The following MSRA variants were observed in gnomAD, a reference collection of about 807,000 sequenced individuals.
The protein encoded by MSRA is mitochondrial peptide methionine sulfoxide reductase.
In MSRA, 54 loss-of-function variants were observed where a neutral mutation model predicts 31.3. The observed-to-expected ratio is 1.73, with a 90% CI of 1.39 to 2.17. MSRA has a LOEUF of 2.17. Among genes scored for constraint, MSRA ranks in the 30% most tolerant of loss-of-function variants. The probability of loss-of-function intolerance (pLI) is 0.00; values close to 1 mark genes in which losing one functional copy is unlikely to be tolerated. For synonymous variants in MSRA, 169 were observed against 116.5 expected (o/e 1.45, Z -2.90); for missense variants, 507 against 300.9 (o/e 1.69, Z -5.07).
At position 10,157,883 on chromosome 8, in the gene MSRA, G is replaced by A. The variant is rs144686269; in HGVS notation, c.143-49950G>A. On this transcript the variant is annotated intron_variant, in intron 1 of 5. Transcript: ENST00000317173. The stretch of plus-strand genomic sequence containing the variant: ...TGTATTGACATATAACTCACATACC[G>A]TACAATTCATCTATTTAATGTGTAC... Among the ~76,000 whole-genome samples, 21 of 151,610 alleles carry A rather than the reference G, an allele frequency of 1.4e-4. No homozygotes were observed. The East Asian group carries it at 2.5e-3, about 18-fold the overall frequency.
intron 1 of MSRA, among the ~76,000 whole-genome samples, chr8:10,124,482 C>A (rs1220056249): frequency 2.0e-5 from 3 of 152,200 alleles, no homozygotes; most frequent in Admixed American, 1.3e-4. Context: ...TGTCTGCTAT[C>A]CGTGTGACTC....
chr8:10,152,845 T>A (rs1356532125), intron 1 of MSRA, among the ~76,000 whole-genome samples: 1 of 152,154 alleles, frequency 6.6e-6, no homozygotes, highest in Non-Finnish European at 1.5e-5. Flanking sequence ...GGAAATTCTG[T>A]CACTTGCTAC....
chr8:10,078,699 T>A (rs1276345886), intron 1 of MSRA, among the ~76,000 whole-genome samples: 1 of 152,232 alleles, frequency 6.6e-6, no homozygotes, highest in Non-Finnish European at 1.5e-5. Flanking sequence ...GGTCCCAAGC[T>A]CCTTAGCTAT....
In MSRA at chr8:10,287,433, C is replaced by A. The variant is rs549379871; in HGVS notation, c.332-14101C>A. On this transcript the variant is annotated intron_variant, in intron 3 of 5. Coordinates refer to ENST00000317173, the MANE Select transcript of MSRA (RefSeq NM_012331.5). ...CATTTCATGAGCTACAAAAGTGTTA[C>A]ACCAATCTAAGGTATCATCATCATC... Among the ~76,000 whole-genome samples the A allele has an allele frequency of 5.4e-4, 82 of 152,276 alleles. 2 individuals carry two copies. Among genetic ancestry groups the A allele is most frequent in the Non-Finnish European group, 4.1e-4 (28 of 68,026 alleles).
At chr8:10,080,016 T>TAATC (rs1798208902) in intron 1 of MSRA, among the ~76,000 whole-genome samples, 1 of 152,226 alleles carries the variant, frequency 6.6e-6, no homozygotes. Flanking sequence ...CCGTCAAAAT[T>TAATC]AATCTCCTTT....
At chr8:10,245,676 A>G (rs964849119) in intron 3 of MSRA, among the ~76,000 whole-genome samples, 1 of 152,214 alleles carries the variant, frequency 6.6e-6, no homozygotes, top group African/African-American at 2.4e-5. Flanking sequence ...CAGGTGGGGT[A>G]ATGGGGATGA....
At chr8:10,379,491 C>T (rs1053729072) in intron 5 of MSRA, among the ~76,000 whole-genome samples, 1 of 152,184 alleles carries the variant, frequency 6.6e-6, no homozygotes, top group Admixed American at 6.5e-5. Context: ...TCGCCCCATG[C>T]CAGGCCCTCC....
At chr8:10,412,988 C>T (rs746097732) in intron 5 of MSRA, among the ~76,000 whole-genome samples, 7 of 152,176 alleles carry the variant, frequency 4.6e-5, no homozygotes, top group African/African-American at 7.2e-5. Flanking sequence ...TTTTTACCTA[C>T]GAGAAATAAG....
At chr8:10,331,841 A>G (rs1412324752) in intron 5 of MSRA, among the ~76,000 whole-genome samples, 3 of 152,188 alleles carry the variant, frequency 2.0e-5, no homozygotes, top group Admixed American at 2.0e-4. Context: ...ATATTAAAAT[A>G]GTTATGCTGT....
At position 10,148,602 on chromosome 8, in the gene MSRA, G is replaced by A. The variant is rs542368704; in HGVS notation, c.143-59231G>A. ...GCAGAGGTTGCAGTGAACTGAGATC[G>A]CACCATTGCACTTCAGCCTGGGCAA... On this transcript the variant is annotated intron_variant, in intron 1 of 5. Coordinates refer to ENST00000317173, the MANE Select transcript of MSRA (RefSeq NM_012331.5). Among the ~76,000 whole-genome samples, 262 of 151,276 alleles carry A rather than the reference G, an allele frequency of 1.7e-3. 6 individuals are homozygous for A. Among genetic ancestry groups the A allele is most frequent in the Non-Finnish European group, 9.3e-4 (63 of 67,886 alleles).
chr8:10,314,020 A>C (rs553287869), intron 4 of MSRA, among the ~76,000 whole-genome samples: 1 of 152,358 alleles, frequency 6.6e-6, no homozygotes, highest in East Asian at 1.9e-4. Flanking sequence ...AAGTAGATTG[A>C]ATACATAAAT....
chr8:10,375,562 T>G (rs1315871826), intron 5 of MSRA, among the ~76,000 whole-genome samples: 5 of 152,170 alleles, frequency 3.3e-5, no homozygotes, highest in African/African-American at 4.8e-5. Flanking sequence ...TATCAACCTG[T>G]CAACCAGCCA....
rs765230071 is a variant in MSRA at position 10,428,203 on chromosome 8, C to T, written c.599C>T (p.Thr200Ile). 10 of 1,614,098 alleles carry T rather than the reference C, an allele frequency of 6.2e-6. No individual in the cohort carries two copies. The highest frequency in any genetic ancestry group is 4.5e-5 in the East Asian group (2 of 44,898). Residue 200 changes from threonine (T) to isoleucine (I), a missense_variant, in exon 6 of 6, where the codon ACT (threonine) becomes ATT (isoleucine). Transcript: ENST00000317173. ...PITTDIREGQ[T>I]FYYAEDYHQQ... ...ACTACCGACATCCGGGAGGGACAGA[C>T]TTTCTACTATGCGGAAGACTACCAC...
At chr8:10,093,358 G>C (rs1798952598) in intron 1 of MSRA, among the ~76,000 whole-genome samples, 1 of 151,950 alleles carries the variant, frequency 6.6e-6, no homozygotes, top group Admixed American at 6.6e-5. Flanking sequence ...TATTTGCTTA[G>C]TGGTTGCCCT....
At chr8:10,131,462 G>C (rs564653364) in intron 1 of MSRA, among the ~76,000 whole-genome samples, 1 of 152,352 alleles carries the variant, frequency 6.6e-6, no homozygotes, top group Admixed American at 6.5e-5. Flanking sequence ...AGTCCATGCC[G>C]GGGAGTGGCA....
chr8:10,137,988 G>C (rs1278027580), intron 1 of MSRA, among the ~76,000 whole-genome samples: 19 of 152,176 alleles, frequency 1.2e-4, no homozygotes, highest in Admixed American at 9.8e-4. Context: ...CCATGATCAA[G>C]AGCACACAGG....
chr8:10,278,946 T>C (rs923963091), intron 3 of MSRA, among the ~76,000 whole-genome samples: 1 of 152,218 alleles, frequency 6.6e-6, no homozygotes, highest in Non-Finnish European at 1.5e-5. Context: ...TCTGCTAGTC[T>C]CATTGAGCAT....
chr8:10,072,114 C>G (rs1196662577), intron 1 of MSRA, among the ~76,000 whole-genome samples: 2 of 151,916 alleles, frequency 1.3e-5, no homozygotes, highest in East Asian at 1.9e-4. Flanking sequence ...TGACACACAC[C>G]CTTAAGCAGA....
intron 3 of MSRA, among the ~76,000 whole-genome samples, chr8:10,286,709 G>C (rs909950330): frequency 6.6e-6 from 1 of 152,230 alleles, no homozygotes; most frequent in Non-Finnish European, 1.5e-5. Flanking sequence ...TCCAAGAGCA[G>C]GCTCAGTGTA....
Sources: allele counts gnomAD v4.1 joint callset (sites outside exome capture counted in the v4.1 genomes callset), GRCh38; gene constraint gnomAD v4.1.1; transcripts MANE v1.5; gene names NCBI Gene and HGNC (gene_info 2026-07-23, HGNC 2026-07-21).